Variants in LRATD1 observed in about 807,000 individuals in gnomAD.
LRATD1 encodes the protein protein LRATD1.
A neutral mutation model predicts 21.3 loss-of-function variants in LRATD1; 8 were observed. That is an observed-to-expected ratio of 0.38 (90% confidence interval 0.22 to 0.68). The LOEUF is 0.68. LRATD1 is among the 30% of genes least tolerant of loss of function. The pLI is 0.54. For missense variants in LRATD1, 380 were observed against 404.0 expected, an observed-to-expected ratio of 0.94 and a Z score of 0.51; for synonymous variants, 210 against 186.2, an observed-to-expected ratio of 1.13 and a Z score of -1.04.
intron 2 of LRATD1, among the ~76,000 whole-genome samples, chr2:14,645,255 T>A (rs1004276469): frequency 6.6e-6 from 1 of 152,178 alleles, no homozygotes; most frequent in African/African-American, 2.4e-5. Context: ...ATTCAGCACA[T>A]CATACAAATG....
Position 14,634,799 on chromosome 2 carries a change from G to T in LRATD1, c.820G>T (p.Ala274Ser). ...DLIREKRRID[A>S]SGRLRVLQEL... ...CATCCGCGAGAAGCGCCGTATCGAC[G>T]CCAGCGGCCGCCTGCGAGTGCTCCA... The change falls in exon 2 of 2, where the codon GCC becomes TCC. Residue 274 changes from alanine to serine, a missense_variant. By Grantham distance (99) the Ala-to-Ser change is moderately conservative. Coordinates refer to ENST00000295092, the MANE Select transcript of LRATD1 (RefSeq NM_145175.4). The T allele has an allele frequency of 1.8e-5, 29 of 1,606,412 alleles. No individual in the cohort carries two copies. Among genetic ancestry groups the T allele is most frequent in the Non-Finnish European group, 2.5e-5 (29 of 1,175,594 alleles).
At chr2:14,650,088 T>A (rs1166525915), downstream of LRATD1, 1 of 152,228 alleles carries the variant, frequency 6.6e-6, no homozygotes, top group Admixed American at 6.5e-5. Flanking sequence ...CAGTTTATGA[T>A]ATTATAGCAG....
At chr2:14,650,452 C>T (rs906278706), downstream of LRATD1, 1 of 152,134 alleles carries the variant, frequency 6.6e-6, no homozygotes, top group African/African-American at 2.4e-5. Flanking sequence ...AAAGTAATAG[C>T]TATTCATTAA....
chr2:14,640,756 G>A (rs972563310), downstream of LRATD1, among the ~76,000 whole-genome samples: 1 of 152,174 alleles, frequency 6.6e-6, no homozygotes, highest in Non-Finnish European at 1.5e-5. Context: ...GATTCTGCAA[G>A]GGGGTGAGCA....
downstream of LRATD1, among the ~76,000 whole-genome samples, chr2:14,651,202 CT>C (rs535197140): frequency 3.3e-5 from 5 of 151,066 alleles, no homozygotes; most frequent in South Asian, 2.1e-4. Context: ...CATATTGTTT[CT>C]TTTTTTTTCA....
At position 14,635,019 on chromosome 2, in the gene LRATD1, G is replaced by A. The variant is rs1197795914; in HGVS notation, c.*161G>A. 1.9e-6 allele frequency: 2 copies of A among 1,036,130 alleles called. No individual in the cohort carries two copies. The highest frequency in any genetic ancestry group is 2.6e-5 in the East Asian group (1 of 38,322). The allele number at this position is 1,036,130 out of a possible 1,614,324, so 64.2% of individuals were successfully genotyped here. ...CCGGGCTGCACCCCCGCATCCCCAAGCCAGCGGCAGGAAGTCTCAGGAACT... is the reference window on the plus strand; with the variant it reads ...CCGGGCTGCACCCCCGCATCCCCAAACCAGCGGCAGGAAGTCTCAGGAACT... On this transcript the variant is annotated 3_prime_UTR_variant, in exon 2 of 2. Transcript: ENST00000295092.
In LRATD1 at chr2:14,638,430, A is replaced by C. The variant is rs1558255983; in HGVS notation, c.*3572A>C. ...CTGTATGATTTACCTGTTTTTTTGA[A>C]ACTTTAATGTTTACCTTCCCCTATG... On this transcript the variant is annotated 3_prime_UTR_variant, in exon 2 of 2. Transcript: ENST00000295092. 1 of 166,972 alleles carries C rather than the reference A, an allele frequency of 6.0e-6. No individual in the cohort carries two copies. The highest frequency in any genetic ancestry group is 2.4e-5 in the African/African-American group (1 of 41,446). 10.3% of individuals were successfully genotyped at this position (166,972 alleles called of 1,614,324 possible). A position where few individuals can be genotyped will look rare whatever the true frequency, so the allele number is the denominator to read the frequency against.
chr2:14,646,705 T>C (rs138045890), intron 4 of LRATD1, among the ~76,000 whole-genome samples: 11 of 152,262 alleles, frequency 7.2e-5, no homozygotes, highest in African/African-American at 2.6e-4. Context: ...TGGCCAGGCC[T>C]AACAGCAGGG....
At position 14,634,497 on chromosome 2, in the gene LRATD1, A is replaced by G; in HGVS notation, c.518A>G (p.Asn173Ser). Residue 173 changes from asparagine (N) to serine (S), a missense_variant, in exon 2 of 2, where the codon AAC becomes AGC. By Grantham distance (46) the Asn-to-Ser change is conservative. Transcript: ENST00000295092. ...AGCCTGTATGAGGCGGGCGCGGCCA[A>G]CGTGGGCCGGGTGGTGAATAGCTGG... ...QDSLYEAGAA[N>S]VGRVVNSWYR... 2.0e-6 allele frequency: 3 copies of G among 1,508,142 alleles called. No homozygotes were observed. The highest frequency in any genetic ancestry group is 2.7e-6 in the Non-Finnish European group (3 of 1,129,950). 93.4% of individuals were successfully genotyped at this position (1,508,142 alleles called of 1,614,324 possible).
chr2:14,633,811 C>A lies in LRATD1; in HGVS notation c.-36-133C>A. The A allele has an allele frequency of 1.1e-6, 1 of 902,758 alleles. No homozygotes were observed. The highest frequency in any genetic ancestry group is 1.7e-6 in the Non-Finnish European group (1 of 604,936). The allele number at this position is 902,758 out of a possible 1,614,324, so 55.9% of individuals were successfully genotyped here. ...CCCTGGGGAGGCACGGAGGACTCGGCTGGAAAGGGTGACTCCGGTGAGGGC... is the reference window on the plus strand; with the variant it reads ...CCCTGGGGAGGCACGGAGGACTCGGATGGAAAGGGTGACTCCGGTGAGGGC... On this transcript the variant is annotated intron_variant, in intron 1 of 1. Transcript: ENST00000295092. The surrounding 1 kb of genome is among the most constrained non-coding windows in gnomAD (Gnocchi z 7.5).
At position 14,634,424 on chromosome 2, in the gene LRATD1, G is replaced by T; in HGVS notation, c.445G>T (p.Gly149Cys). ...APAPHWAVYV[G>C]GGQIIHLHQG... is the part of the protein sequence containing the mutation. ...CGCCCCGCACTGGGCCGTCTACGTG[G>T]GCGGCGGGCAGATCATCCACCTGCA... is the stretch of plus-strand genomic sequence containing the variant. Residue 149 changes from glycine (G) to cysteine (C), a missense_variant, in exon 2 of 2, where the codon GGC becomes TGC. Physicochemically the swap from Gly to Cys is radical, Grantham distance 159 (BLOSUM62 -3). Transcript: ENST00000295092. 1.3e-6 allele frequency: 2 copies of T among 1,524,908 alleles called. No homozygotes were observed. The highest frequency in any genetic ancestry group is 2.3e-5 in the East Asian group (1 of 43,566). The allele number at this position is 1,524,908 out of a possible 1,614,324, so 94.5% of individuals were successfully genotyped here. A position where few individuals can be genotyped will look rare whatever the true frequency, so the allele number is the denominator to read the frequency against.
downstream of LRATD1, chr2:14,650,185 C>T (rs922014599): frequency 1.3e-5 from 2 of 152,290 alleles, no homozygotes; most frequent in Non-Finnish European, 2.9e-5. Flanking sequence ...GTTTCTAGCT[C>T]TCACTGTAGC....
chr2:14,648,811 C>T (rs1035487646), intron 4 of LRATD1, among the ~76,000 whole-genome samples: 2 of 152,176 alleles, frequency 1.3e-5, no homozygotes, highest in African/African-American at 2.4e-5. Flanking sequence ...ATACTCAGGA[C>T]GTCCATCTGC....
rs1671590400 is a variant in LRATD1, at chr2:14,633,109, T to A, written c.-37+172T>A. 6.6e-6 allele frequency among the ~76,000 whole-genome samples: 1 copy of A among 152,086 alleles called. No individual in the cohort carries two copies. Among genetic ancestry groups the A allele is most frequent in the African/African-American group, 2.4e-5 (1 of 41,414 alleles). ...ACACTGCACTGGCTTTCTCCATCCT[T>A]CCCCTGCCTCTTTGTTAGGTTATTT... is the stretch of plus-strand genomic sequence containing the variant. On this transcript the variant is annotated intron_variant, in intron 1 of 1. Coordinates refer to ENST00000295092, the MANE Select transcript of LRATD1 (RefSeq NM_145175.4). This position sits in a 1 kb window ranked among gnomAD's most constrained non-coding sequence, Gnocchi z 7.5.
Position 14,634,333 on chromosome 2 carries a change from G to C in LRATD1, c.354G>C (p.Ala118=). Reference sequence around the variant, plus strand: ...TCTACGCGGTCACCGCGCTGCCAGCGCTCTGCGAACCCGGCGACCTGCTGG... The same window carrying C: ...TCTACGCGGTCACCGCGCTGCCAGCCCTCTGCGAACCCGGCGACCTGCTGG... ...LSVYAVTALP[A]LCEPGDLLEL... is the part of the protein sequence containing the mutation. Residue 118 remains alanine, a synonymous_variant, in exon 2 of 2, where the codon GCG becomes GCC. Coordinates refer to ENST00000295092, the MANE Select transcript of LRATD1 (RefSeq NM_145175.4). The C allele has an allele frequency of 1.3e-6, 2 of 1,590,384 alleles. No homozygotes were observed. The highest frequency in any genetic ancestry group is 1.7e-6 in the Non-Finnish European group (2 of 1,172,290).
At chr2:14,642,015 G>A (rs1572301057), downstream of LRATD1, 2 of 152,244 alleles carry the variant, frequency 1.3e-5, no homozygotes, top group East Asian at 1.9e-4. Context: ...TTTGCTGCTG[G>A]AAAGTCTAAC....
In LRATD1 at chr2:14,635,045, G is replaced by C. The variant is rs1347996111; in HGVS notation, c.*187G>C. 4 of 890,974 alleles carry C rather than the reference G, an allele frequency of 4.5e-6. No individual in the cohort carries two copies. The African/African-American group carries it at 6.6e-5, about 15-fold the overall frequency. The allele number at this position is 890,974 out of a possible 1,614,324, so 55.2% of individuals were successfully genotyped here. A position where few individuals can be genotyped will look rare whatever the true frequency, so the allele number is the denominator to read the frequency against. On this transcript the variant is annotated 3_prime_UTR_variant, in exon 2 of 2. Coordinates refer to ENST00000295092, the MANE Select transcript of LRATD1 (RefSeq NM_145175.4). ...CCAGCGGCAGGAAGTCTCAGGAACT[G>C]CCCCAGGGCCGAAAGGGCGCCGCTG...
chr2:14,651,442 C>G (rs1672003687), downstream of LRATD1, among the ~76,000 whole-genome samples: 1 of 152,108 alleles, frequency 6.6e-6, no homozygotes, highest in African/African-American at 2.4e-5. Context: ...ATACATACAC[C>G]TTTCTGAACT....
At chr2:14,651,483 T>G (rs1270705062), downstream of LRATD1, among the ~76,000 whole-genome samples, 1 of 152,140 alleles carries the variant, frequency 6.6e-6, no homozygotes, top group Non-Finnish European at 1.5e-5. Context: ...CCAGAGTGAT[T>G]CCTCCAGTCT....
Sources: allele counts gnomAD v4.1 joint callset (sites outside exome capture counted in the v4.1 genomes callset), GRCh38; gene constraint gnomAD v4.1.1; non-coding constraint Gnocchi (gnomAD v3.1); transcripts MANE v1.5; gene names NCBI Gene and HGNC (gene_info 2026-07-23, HGNC 2026-07-21).